Variants in CCSER1 observed in about 807,000 individuals in gnomAD.
The protein encoded by CCSER1 is serine-rich coiled-coil domain-containing protein 1.
Under a neutral mutation model 82.0 loss-of-function variants are expected in CCSER1, and 41 were observed. The observed-to-expected ratio is 0.50, with a 90% CI of 0.39 to 0.65. The LOEUF (loss-of-function observed/expected upper bound fraction) is 0.65. Ranked by LOEUF, CCSER1 falls within the 30% of genes least tolerant of loss-of-function variation. The probability of loss-of-function intolerance (pLI) is 0.00; values close to 1 mark genes in which losing one functional copy is unlikely to be tolerated. For missense variants in CCSER1, 1,119 were observed against 1,064.2 expected, an observed-to-expected ratio of 1.05 and a Z score of -0.72; for synonymous variants, 414 against 383.9, an observed-to-expected ratio of 1.08 and a Z score of -0.92.
intron 7 of CCSER1, among the ~76,000 whole-genome samples, chr4:90,795,018 G>A (rs914838786): frequency 4.0e-5 from 6 of 151,892 alleles, no homozygotes; most frequent in Non-Finnish European, 7.4e-5. Context: ...GGCTGGGTGC[G>A]GTGGCTCACA....
chr4:90,800,265 CT>C (rs893600030), intron 7 of CCSER1, among the ~76,000 whole-genome samples: 2 of 151,422 alleles, frequency 1.3e-5, no homozygotes, highest in South Asian at 4.2e-4. Flanking sequence ...TTTTCTTCTT[CT>C]TATCATTATT....
chr4:91,308,728 A>T (rs1560580690), intron 10 of CCSER1, among the ~76,000 whole-genome samples: 1 of 152,012 alleles, frequency 6.6e-6, no homozygotes, highest in Non-Finnish European at 1.5e-5. Flanking sequence ...ATTTTTTCAA[A>T]GAATGTTAAT....
At chr4:91,012,007 G>A (rs956098072) in intron 9 of CCSER1, among the ~76,000 whole-genome samples, 5 of 134,662 alleles carry the variant, frequency 3.7e-5, no homozygotes, top group Admixed American at 7.3e-5. Flanking sequence ...GACCTTTTGG[G>A]TAAGGTGTCT....
chr4:91,203,338 T>C (rs905791400), intron 10 of CCSER1, among the ~76,000 whole-genome samples: 2 of 151,970 alleles, frequency 1.3e-5, no homozygotes, highest in African/African-American at 4.8e-5. Context: ...TAAATGTTGC[T>C]AGGAAATATT....
intron 10 of CCSER1, among the ~76,000 whole-genome samples, chr4:91,159,652 T>C (rs1453085296): frequency 6.6e-6 from 1 of 151,924 alleles, no homozygotes; most frequent in African/African-American, 2.4e-5. Context: ...TTTAGTAGTT[T>C]GTCAGAAAGA....
chr4:91,565,145 A>C (rs1173105535), intron 10 of CCSER1, among the ~76,000 whole-genome samples: 3 of 150,854 alleles, frequency 2.0e-5, no homozygotes, highest in African/African-American at 7.3e-5. Flanking sequence ...AGCACCATTT[A>C]TTGAATAGAG....
intron 8 of CCSER1, among the ~76,000 whole-genome samples, chr4:90,824,296 AGGCAAGTTCTC>A (rs1471512278): frequency 2.0e-5 from 3 of 152,102 alleles, no homozygotes; most frequent in African/African-American, 7.2e-5. Context: ...ATTAACTGTA[AGGCAAGTTCTC>A]GGCTCATTTG....
intron 10 of CCSER1, among the ~76,000 whole-genome samples, chr4:91,574,180 G>T (rs1763327486): frequency 6.6e-6 from 1 of 151,274 alleles, no homozygotes; most frequent in Non-Finnish European, 1.5e-5. Context: ...AACATATAAG[G>T]TACTGAAGAA....
intron 7 of CCSER1, among the ~76,000 whole-genome samples, chr4:90,767,238 A>C (rs1561098998): frequency 6.6e-6 from 1 of 152,192 alleles, no homozygotes; most frequent in Non-Finnish European, 1.5e-5. Flanking sequence ...TTTTTTAGGT[A>C]AAATAAAGAA....
At chr4:90,912,589 C>T (rs1726579690) in intron 8 of CCSER1, among the ~76,000 whole-genome samples, 1 of 152,208 alleles carries the variant, frequency 6.6e-6, no homozygotes, top group Non-Finnish European at 1.5e-5. Flanking sequence ...ACTTCTCCTC[C>T]TCCAAAGGAG....
At chr4:90,304,083 C>G (rs1168784774) in intron 1 of CCSER1, among the ~76,000 whole-genome samples, 3 of 152,122 alleles carry the variant, frequency 2.0e-5, no homozygotes, top group African/African-American at 4.8e-5. Context: ...AAATGCAAAT[C>G]AAAACCACAA....
At chr4:90,747,578 G>A (rs1159317823) in intron 7 of CCSER1, among the ~76,000 whole-genome samples, 1 of 152,042 alleles carries the variant, frequency 6.6e-6, no homozygotes, top group Non-Finnish European at 1.5e-5. Flanking sequence ...TTTTCAGTAG[G>A]ATATTCTCTT....
At chr4:90,815,920 A>G in intron 8 of CCSER1, 75 bp downstream of exon 8, 1 of 881,332 alleles carries the variant, frequency 1.1e-6, no homozygotes. Context: ...TTATTTATTA[A>G]CACCAATGGC....
chr4:90,473,931 A>G (rs1010084182), intron 5 of CCSER1, among the ~76,000 whole-genome samples: 1 of 152,220 alleles, frequency 6.6e-6, no homozygotes, highest in Non-Finnish European at 1.5e-5. Flanking sequence ...CACTCTGCAT[A>G]GTGCTAGGGG....
intron 3 of CCSER1, among the ~76,000 whole-genome samples, chr4:90,371,892 A>G (rs1747494885): frequency 6.6e-6 from 1 of 152,200 alleles, no homozygotes; most frequent in Non-Finnish European, 1.5e-5. Flanking sequence ...ATGTGAATGT[A>G]ATTAATTTAG....
At chr4:90,152,889 T>A (rs1727146124) in intron 1 of CCSER1, among the ~76,000 whole-genome samples, 1 of 151,764 alleles carries the variant, frequency 6.6e-6, no homozygotes, top group Non-Finnish European at 1.5e-5. Context: ...TTTAATTTTA[T>A]TTTTTATTAT....
intron 8 of CCSER1, among the ~76,000 whole-genome samples, chr4:90,831,352 A>C (rs889560348): frequency 2.0e-5 from 3 of 152,192 alleles, no homozygotes; most frequent in South Asian, 2.1e-4. Context: ...ATTGGATTGC[A>C]TAGCCTATCT....
chr4:91,439,901 A>G (rs1397843814), intron 10 of CCSER1, among the ~76,000 whole-genome samples: 1 of 152,226 alleles, frequency 6.6e-6, no homozygotes, highest in Non-Finnish European at 1.5e-5. Flanking sequence ...GATCACTACA[A>G]CAAGAAGAAC....
intron 7 of CCSER1, among the ~76,000 whole-genome samples, chr4:90,812,120 T>C (rs1758430245): frequency 6.6e-6 from 1 of 151,946 alleles, no homozygotes; most frequent in Non-Finnish European, 1.5e-5. Flanking sequence ...TGGAGTCCAA[T>C]GTTCAAGGGC....
Sources: allele counts gnomAD v4.1 joint callset (sites outside exome capture counted in the v4.1 genomes callset), GRCh38; gene constraint gnomAD v4.1.1; transcripts MANE v1.5; gene names NCBI Gene and HGNC (gene_info 2026-07-23, HGNC 2026-07-21).